Variants in SRRT observed in about 807,000 individuals in gnomAD.
The protein encoded by SRRT is serrate, RNA effector molecule.
A neutral mutation model predicts 103.2 loss-of-function variants in SRRT; 32 were observed. The observed-to-expected ratio is 0.31, with a 90% CI of 0.23 to 0.42. SRRT has a LOEUF of 0.42. Among genes scored for constraint, SRRT ranks in the 10% least tolerant of loss-of-function variants. SRRT has a pLI of 1.00. For missense variants in SRRT, 986 were observed against 1,207.5 expected, an observed-to-expected ratio of 0.82 and a Z score of 2.72; for synonymous variants, 525 against 449.0, an observed-to-expected ratio of 1.17 and a Z score of -2.14.
intron 2 of SRRT, among the ~76,000 whole-genome samples, chr7:100,879,343 A>G (rs925822804): frequency 6.6e-6 from 1 of 151,892 alleles, no homozygotes; most frequent in South Asian, 2.1e-4. Context: ...CAAGCAATCC[A>G]CTGCTTCGGC....
At position 100,875,258 on chromosome 7, in the gene SRRT, C is replaced by T; in HGVS notation, c.-89C>T. The T allele has an allele frequency of 2.0e-6, 1 of 510,594 alleles. No homozygotes were observed. Among genetic ancestry groups the T allele is most frequent in the Non-Finnish European group, 2.8e-6 (1 of 353,494 alleles). 31.6% of individuals were successfully genotyped at this position (510,594 alleles called of 1,614,324 possible). On this transcript the variant is annotated 5_prime_UTR_variant, in exon 1 of 20. Coordinates refer to ENST00000611405, the MANE Select transcript of SRRT (RefSeq NM_015908.6). ...CGCCCTCCTCGAAGTCCTCGTCGCG[C>T]GCCCGCGACCCAGGTCGCCCTGAAA...
At chr7:100,886,536 A>C (rs1790120753) in intron 13 of SRRT, 101 bp downstream of exon 13, 1 of 1,265,488 alleles carries the variant, frequency 7.9e-7, no homozygotes, top group Non-Finnish European at 1.1e-6. Flanking sequence ...CCTTGCACCC[A>C]CTCGCCTGCT....
chr7:100,887,293 C>T lies in SRRT; in HGVS notation c.1976-27C>T. On this transcript the variant is annotated intron_variant, in intron 15 of 19. Transcript: ENST00000611405. The surrounding 1 kb of genome is among the most constrained non-coding windows in gnomAD (Gnocchi z 4.1). Reference sequence around the variant, plus strand: ...CCTTCCTTCTGGCTCCCTTGCCAACCTTCCTTCCTCTGTTCCCAAACCACA... The same window carrying T: ...CCTTCCTTCTGGCTCCCTTGCCAACTTTCCTTCCTCTGTTCCCAAACCACA... 1 of 1,610,440 alleles carries T rather than the reference C, an allele frequency of 6.2e-7. No homozygotes were observed. The highest frequency in any genetic ancestry group is 8.5e-7 in the Non-Finnish European group (1 of 1,177,288).
At chr7:100,878,182 C>T (rs1422099278) in intron 2 of SRRT, among the ~76,000 whole-genome samples, 3 of 151,974 alleles carry the variant, frequency 2.0e-5, no homozygotes, top group African/African-American at 7.2e-5. Context: ...GGTGGTGGCA[C>T]ATGCCTGTAG....
rs576745216 is a variant in SRRT at position 100,875,185 on chromosome 7, T to G, written c.-162T>G. The G allele has an allele frequency of 7.1e-5, 13 of 184,002 alleles. No individual in the cohort carries two copies. In the East Asian group the frequency reaches 1.9e-3, roughly 27 times the overall value. The allele number at this position is 184,002 out of a possible 1,614,324, so 11.4% of individuals were successfully genotyped here. On this transcript the variant is annotated 5_prime_UTR_variant, in exon 1 of 20. Transcript: ENST00000611405. ...ACTGCCCATCCCCGGTTGTCCCACTTTTGTTCGCCTCTCTTCGGCCCTCTA... is the reference window on the plus strand; with the variant it reads ...ACTGCCCATCCCCGGTTGTCCCACTGTTGTTCGCCTCTCTTCGGCCCTCTA...
chr7:100,888,143 G>C lies in SRRT; in HGVS notation c.2428G>C (p.Ala810Pro). The C allele has an allele frequency of 3.7e-6, 6 of 1,609,928 alleles. No individual in the cohort carries two copies. The highest frequency in any genetic ancestry group is 5.1e-6 in the Non-Finnish European group (6 of 1,177,972). ...QPRPPILGYG[A>P]GAVRPAVPTG... ...CCGGCCCCCGATCTTGGGCTATGGA[G>C]GTAAGTACAGGAGGGAGATGAAGGG... The change falls in exon 18 of 20, where the codon GCT becomes CCT. Residue 810 changes from alanine (A) to proline (P), a missense_variant and splice_region_variant. Around this residue, in one of 6 missense-constraint regions of SRRT, gnomAD observed 178 missense variants for 189.6 expected, o/e 0.94. Transcript: ENST00000611405.
In SRRT at chr7:100,875,340, G is replaced by A. The variant is rs1175920632; in HGVS notation, c.-19+12G>A. ...GCGGCCGCACCAAGGTGGGGGAGGG[G>A]AGGAGCCTGGGGGGCCCCGCTGGGG... is the stretch of plus-strand genomic sequence containing the variant. On this transcript the variant is annotated intron_variant, in intron 1 of 19. Coordinates refer to ENST00000611405, the MANE Select transcript of SRRT (RefSeq NM_015908.6). 3 of 1,250,062 alleles carry A rather than the reference G, an allele frequency of 2.4e-6. No individual in the cohort carries two copies. The highest frequency in any genetic ancestry group is 3.5e-5 in the South Asian group (2 of 57,744). The allele number at this position is 1,250,062 out of a possible 1,614,324, so 77.4% of individuals were successfully genotyped here.
rs753164592 is a variant in SRRT at position 100,884,365 on chromosome 7, T to C, written c.758-3T>C. The C allele has an allele frequency of 6.2e-7, 1 of 1,613,294 alleles. No individual in the cohort carries two copies. Among genetic ancestry groups the C allele is most frequent in the Admixed American group, 1.7e-5 (1 of 59,910 alleles). The stretch of plus-strand genomic sequence containing the variant: ...TCATGACCTCTGTTCCCTTTGTTGG[T>C]AGCCGTGATTAAGATGGAAGGAGGC... On this transcript the variant is annotated splice_polypyrimidine_tract_variant and splice_region_variant and intron_variant, in intron 6 of 19. Transcript: ENST00000611405.
Position 100,882,053 on chromosome 7 carries a change from G to T in SRRT, c.399G>T (p.Arg133Ser). The T allele has an allele frequency of 6.2e-7, 1 of 1,612,574 alleles. No individual in the cohort carries two copies. The highest frequency in any genetic ancestry group is 8.5e-7 in the Non-Finnish European group (1 of 1,179,284). The change falls in exon 5 of 20, where the codon AGG (arginine) becomes AGT (serine). Residue 133 changes from arginine to serine, a missense_variant and splice_region_variant. Arg to Ser is a moderately radical substitution (Grantham distance 110, BLOSUM62 -1). Around this residue, in one of 6 missense-constraint regions of SRRT, gnomAD observed 274 missense variants for 358.5 expected, o/e 0.76. Transcript: ENST00000611405. This position sits in a 1 kb window ranked among gnomAD's most constrained non-coding sequence, Gnocchi z 4.2. ...MQHHVLPIQA[R>S]LGSIAEIDLG... ...CCTTCCTGACCGGGGTCCCCTCCAG[G>T]CTGGGCAGCATTGCAGAGATTGACC...
Position 100,885,825 on chromosome 7 carries a change from C to T in SRRT, c.1380-38C>T. 1.2e-6 allele frequency: 2 copies of T among 1,613,878 alleles called. No individual in the cohort carries two copies. Among genetic ancestry groups the T allele is most frequent in the Non-Finnish European group, 1.7e-6 (2 of 1,179,784 alleles). ...GAACGTTAATGGCCAACACCAACTC[C>T]CTCGCTTGACTATGCTAACATTTTC... is the stretch of plus-strand genomic sequence containing the variant. On this transcript the variant is annotated intron_variant, in intron 11 of 19. Transcript: ENST00000611405. This position sits in a 1 kb window ranked among gnomAD's most constrained non-coding sequence, Gnocchi z 4.8.
chr7:100,881,569 C>A, intron 3 of SRRT, 90 bp from the exon 4 acceptor site: 1 of 1,584,886 alleles, frequency 6.3e-7, no homozygotes, highest in Non-Finnish European at 8.6e-7. Context: ...GTCTGGGAGA[C>A]CATGCTGTGT....
In SRRT at chr7:100,882,403, T is replaced by A. The variant is rs950979305; in HGVS notation, c.587+162T>A. On this transcript the variant is annotated intron_variant, in intron 5 of 19. Coordinates refer to ENST00000611405, the MANE Select transcript of SRRT (RefSeq NM_015908.6). The surrounding 1 kb of genome is among the most constrained non-coding windows in gnomAD (Gnocchi z 4.2). ...TTGGCTGATGGGGTCTCCCCCTCAC[T>A]TCAGCAACTGCCACGGCCCCCGCCC... is the stretch of plus-strand genomic sequence containing the variant. 3 of 736,000 alleles carry A rather than the reference T, an allele frequency of 4.1e-6. No individual in the cohort carries two copies. In the Admixed American group the frequency reaches 9.1e-5, roughly 22 times the overall value. 45.6% of individuals were successfully genotyped at this position (736,000 alleles called of 1,614,324 possible).
intron 2 of SRRT, 155 bp downstream of exon 2, chr7:100,875,867 C>A: frequency 3.4e-6 from 3 of 870,354 alleles, no homozygotes; most frequent in South Asian, 1.6e-5. Context: ...TGCTGTTGGC[C>A]AAATAACTAG....
At chr7:100,877,993 T>C (rs1023072882) in intron 2 of SRRT, among the ~76,000 whole-genome samples, 2 of 152,162 alleles carry the variant, frequency 1.3e-5, no homozygotes, top group Non-Finnish European at 2.9e-5. Context: ...TTGTTGCCAG[T>C]GATGAAGTAG....
Position 100,875,156 on chromosome 7 carries a change from C to T in SRRT, c.-191C>T. ...ACGCAGGCGCAGCGCGGGCTGCGCG[C>T]GCTACTGCCCATCCCCGGTTGTCCC... is the stretch of plus-strand genomic sequence containing the variant. On this transcript the variant is annotated 5_prime_UTR_variant, in exon 1 of 20. Transcript: ENST00000611405. The T allele has an allele frequency of 6.1e-6, 1 of 162,964 alleles. No individual in the cohort carries two copies. Among genetic ancestry groups the T allele is most frequent in the Non-Finnish European group, 1.4e-5 (1 of 74,008 alleles). The allele number at this position is 162,964 out of a possible 1,614,324, so 10.1% of individuals were successfully genotyped here. A position where few individuals can be genotyped will look rare whatever the true frequency, so the allele number is the denominator to read the frequency against.
intron 2 of SRRT, among the ~76,000 whole-genome samples, chr7:100,879,583 A>G (rs149190753): frequency 1.1e-3 from 165 of 152,348 alleles, no homozygotes; most frequent in African/African-American, 3.8e-3. Flanking sequence ...CTTACTGTGT[A>G]ATTTAAAAAT....
In SRRT at chr7:100,882,088, C is replaced by T. The variant is rs778872288; in HGVS notation, c.434C>T (p.Pro145Leu). 29 of 1,613,820 alleles carry T rather than the reference C, an allele frequency of 1.8e-5. No homozygotes were observed. The highest frequency in any genetic ancestry group is 6.7e-5 in the Admixed American group (4 of 59,978). Residue 145 changes from proline (P) to leucine (L), a missense_variant, in exon 5 of 20, where the codon CCG becomes CTG. Physicochemically the swap from Pro to Leu is moderately conservative, Grantham distance 98. Coordinates refer to ENST00000611405, the MANE Select transcript of SRRT (RefSeq NM_015908.6). This position sits in a 1 kb window ranked among gnomAD's most constrained non-coding sequence, Gnocchi z 4.2. Reference protein sequence around the residue: ...GSIAEIDLGVPPPVMKTFKEF... With the variant: ...GSIAEIDLGVLPPVMKTFKEF... ...ATTGCAGAGATTGACCTGGGTGTGCCGCCGCCCGTGATGAAGACCTTCAAG... is the reference window on the plus strand; with the variant it reads ...ATTGCAGAGATTGACCTGGGTGTGCTGCCGCCCGTGATGAAGACCTTCAAG...
chr7:100,885,003 A>G lies in SRRT; in HGVS notation c.1122A>G (p.Ser374=). The change falls in exon 9 of 20, where the codon TCA becomes TCG. Residue 374 remains serine (S), a synonymous_variant. Coordinates refer to ENST00000611405, the MANE Select transcript of SRRT (RefSeq NM_015908.6). This position sits in a 1 kb window ranked among gnomAD's most constrained non-coding sequence, Gnocchi z 4.8. ...EGSVSESESE[S]ESGQAEEEKE... is the part of the protein sequence containing the mutation. Reference sequence around the variant, plus strand: ...GCGTGTCAGAGTCTGAGTCGGAGTCAGAGAGCGGCCAGGCTGAGGAGGAGA... The same window carrying G: ...GCGTGTCAGAGTCTGAGTCGGAGTCGGAGAGCGGCCAGGCTGAGGAGGAGA... 6.8e-6 allele frequency: 11 copies of G among 1,614,074 alleles called. No individual in the cohort carries two copies. Among genetic ancestry groups the G allele is most frequent in the South Asian group, 1.1e-5 (1 of 91,076 alleles).
chr7:100,881,644 G>T lies in SRRT; in HGVS notation c.252-15G>T, dbSNP rs1385056868. The T allele has an allele frequency of 3.7e-6, 6 of 1,613,664 alleles. No homozygotes were observed. The stretch of plus-strand genomic sequence containing the variant: ...ACTCCCTTCTCTGCTTTACTTTTGT[G>T]TCCCCCACCTTCAGGGATGAGCACA... On this transcript the variant is annotated splice_polypyrimidine_tract_variant and intron_variant, in intron 3 of 19. Coordinates refer to ENST00000611405, the MANE Select transcript of SRRT (RefSeq NM_015908.6).
Sources: gnomAD v4.1 joint callset for allele counts (sites outside exome capture counted in the v4.1 genomes callset) on GRCh38, gnomAD v4.1.1 for gene constraint, gnomAD v4.1.1 regional missense constraint, Gnocchi (gnomAD v3.1) non-coding constraint, MANE v1.5 for transcripts, NCBI Gene and HGNC (gene_info 2026-07-23, HGNC 2026-07-21) for gene names.